Variants in MAGI1 observed in about 807,000 individuals in gnomAD.
MAGI1 encodes membrane associated guanylate kinase, WW and PDZ domain containing 1.
MAGI1 carries 58 observed loss-of-function variants against 139.9 expected under a neutral mutation model. The ratio of observed to expected loss-of-function variants is 0.41; its 90% CI spans 0.34 to 0.52. The LOEUF (loss-of-function observed/expected upper bound fraction) is 0.52. Ranked by LOEUF, MAGI1 falls within the 20% of genes least tolerant of loss-of-function variation. MAGI1 has a pLI of 0.12. For missense variants in MAGI1, 1,874 were observed against 1,901.6 expected, an observed-to-expected ratio of 0.99 and a Z score of 0.27; for synonymous variants, 812 against 737.9, an observed-to-expected ratio of 1.10 and a Z score of -1.63.
intron 1 of MAGI1, among the ~76,000 whole-genome samples, chr3:65,956,470 G>A (rs1259615115): frequency 2.0e-5 from 3 of 152,266 alleles, no homozygotes; most frequent in East Asian, 3.9e-4. Flanking sequence ...TGATCACCTA[G>A]TAGCCCTTCA....
chr3:65,520,066 C>G (rs2078083605), intron 2 of MAGI1, among the ~76,000 whole-genome samples: 1 of 152,204 alleles, frequency 6.6e-6, no homozygotes, highest in African/African-American at 2.4e-5. Flanking sequence ...ACCAGCACAG[C>G]TTTGCAGCAA....
chr3:65,808,549 G>C (rs909579050), intron 1 of MAGI1, among the ~76,000 whole-genome samples: 8 of 152,254 alleles, frequency 5.3e-5, no homozygotes, highest in African/African-American at 1.7e-4. Flanking sequence ...AAACTGGTCT[G>C]ACTGCTGAGC....
At chr3:65,855,315 C>G (rs943640478) in intron 1 of MAGI1, among the ~76,000 whole-genome samples, 1 of 151,774 alleles carries the variant, frequency 6.6e-6, no homozygotes, top group Non-Finnish European at 1.5e-5. Flanking sequence ...TGCGATGGCT[C>G]ACACCTGTAA....
intron 1 of MAGI1, among the ~76,000 whole-genome samples, chr3:65,883,615 G>A (rs1409055989): frequency 6.6e-6 from 1 of 152,184 alleles, no homozygotes; most frequent in Non-Finnish European, 1.5e-5. Context: ...AGTTTCAGAA[G>A]ATATTCTATG....
chr3:65,793,845 T>C (rs963707153), intron 1 of MAGI1, among the ~76,000 whole-genome samples: 11 of 152,342 alleles, frequency 7.2e-5, no homozygotes, highest in Admixed American at 3.9e-4. Flanking sequence ...ACCAACATCA[T>C]ATAGACAAAA....
At chr3:65,505,133 A>T (rs2077230746) in intron 2 of MAGI1, among the ~76,000 whole-genome samples, 2 of 152,314 alleles carry the variant, frequency 1.3e-5, no homozygotes, top group Admixed American at 6.5e-5. Flanking sequence ...GGATGAGAGC[A>T]GATAGACTCT....
chr3:65,605,158 C>A (rs772285834), intron 2 of MAGI1, among the ~76,000 whole-genome samples: 1 of 152,178 alleles, frequency 6.6e-6, no homozygotes, highest in African/African-American at 2.4e-5. Flanking sequence ...ATTTGCATGA[C>A]GAGACCTCAC....
intron 1 of MAGI1, among the ~76,000 whole-genome samples, chr3:65,960,015 G>T (rs903113235): frequency 6.6e-6 from 1 of 151,232 alleles, no homozygotes; most frequent in Non-Finnish European, 1.5e-5. Flanking sequence ...TACCGTGTTA[G>T]CCAGGATGGT....
At chr3:65,828,979 G>A (rs932102029) in intron 1 of MAGI1, among the ~76,000 whole-genome samples, 2 of 152,232 alleles carry the variant, frequency 1.3e-5, no homozygotes, top group Non-Finnish European at 2.9e-5. Flanking sequence ...AAGAAAAAGG[G>A]GATCTTGGTA....
intron 1 of MAGI1, among the ~76,000 whole-genome samples, chr3:65,757,896 C>T (rs2036688298): frequency 6.7e-6 from 1 of 149,152 alleles, no homozygotes; most frequent in African/African-American, 2.4e-5. Context: ...AAATGTATCA[C>T]CCAATTTCCC....
At chr3:65,932,024 G>A (rs1485065107) in intron 1 of MAGI1, among the ~76,000 whole-genome samples, 1 of 152,140 alleles carries the variant, frequency 6.6e-6, no homozygotes, top group Non-Finnish European at 1.5e-5. Flanking sequence ...TAAATCAACA[G>A]ATTGAAAATC....
intron 2 of MAGI1, among the ~76,000 whole-genome samples, chr3:65,510,393 T>A (rs1429823447): frequency 1.4e-4 from 21 of 150,516 alleles, no homozygotes; most frequent in African/African-American, 4.9e-4. Flanking sequence ...GGCAAAGAAG[T>A]TGAAAACTTT....
chr3:65,400,867 C>G (rs142315787), intron 13 of MAGI1, among the ~76,000 whole-genome samples: 1,605 of 139,322 alleles, frequency 0.012, 16 homozygotes, highest in Middle Eastern at 0.029. Flanking sequence ...AGGAAATGTC[C>G]TATTCTCAGT....
intron 2 of MAGI1, among the ~76,000 whole-genome samples, chr3:65,611,535 CTATA>C (rs988813587): frequency 1.4e-5 from 2 of 143,662 alleles, no homozygotes; most frequent in African/African-American, 5.1e-5. Context: ...ATAGAATACT[CTATA>C]TATACTATAT....
intron 3 of MAGI1, among the ~76,000 whole-genome samples, chr3:65,480,242 T>G (rs2107619852): frequency 6.6e-6 from 1 of 151,562 alleles, no homozygotes; most frequent in African/African-American, 2.4e-5. Context: ...AATAAAGAAT[T>G]TGCTTCTCAG....
rs562404622 is a variant in MAGI1 at position 65,863,135 on chromosome 3, C to T, written c.313+174861G>A. The stretch of plus-strand genomic sequence containing the variant: ...CAGAGTTCCTTCTATCAGAAAGGAC[C>T]AAATTCCTTAATAGTTGACAAAATT... On this transcript the variant is annotated intron_variant, in intron 1 of 22. Transcript: ENST00000402939. Among the ~76,000 whole-genome samples, 6 of 152,272 alleles carry T rather than the reference C, an allele frequency of 3.9e-5. No individual in the cohort carries two copies. In the East Asian group the frequency reaches 1.2e-3, roughly 29 times the overall value.
intron 15 of MAGI1, among the ~76,000 whole-genome samples, 195 bp downstream of exon 15, chr3:65,383,337 T>C (rs1363390782): frequency 6.6e-6 from 1 of 152,218 alleles, no homozygotes; most frequent in Non-Finnish European, 1.5e-5. Context: ...ACAAACTTTT[T>C]AGAAAGAATC....
chr3:65,914,740 A>G (rs921666973), intron 1 of MAGI1, among the ~76,000 whole-genome samples: 1 of 152,222 alleles, frequency 6.6e-6, no homozygotes. Flanking sequence ...CAAATGTGCC[A>G]AACAAATTTG....
At chr3:65,877,638 A>C (rs191283699) in intron 1 of MAGI1, among the ~76,000 whole-genome samples, 46 of 152,226 alleles carry the variant, frequency 3.0e-4, no homozygotes, top group Middle Eastern at 3.4e-3. Flanking sequence ...ATTTTAGTTT[A>C]ACTGATTCCC....
Sources: gnomAD v4.1 joint callset for allele counts (sites outside exome capture counted in the v4.1 genomes callset) on GRCh38, gnomAD v4.1.1 for gene constraint, MANE v1.5 for transcripts, NCBI Gene and HGNC (gene_info 2026-07-23, HGNC 2026-07-21) for gene names.